DOCK8: variants seen among roughly 807,000 people sequenced by gnomAD.
The protein encoded by DOCK8 is dedicator of cytokinesis 8, also known as dedicator of cytokinesis protein 8.
A neutral mutation model predicts 245.6 loss-of-function variants in DOCK8; 141 were observed. That is an observed-to-expected ratio of 0.57 (90% confidence interval 0.50 to 0.66). The LOEUF (loss-of-function observed/expected upper bound fraction) is 0.66, where lower values mean the gene tolerates loss of function less well. Among genes scored for constraint, DOCK8 ranks in the 30% least tolerant of loss-of-function variants. DOCK8 has a pLI of 0.00. For missense variants in DOCK8, 2,965 were observed against 2,603.4 expected, an observed-to-expected ratio of 1.14 and a Z score of -3.02; for synonymous variants, 1,168 against 970.2, an observed-to-expected ratio of 1.20 and a Z score of -3.79.
At chr9:385,792 C>A (rs1019490451) in intron 22 of DOCK8, among the ~76,000 whole-genome samples, 13 of 152,228 alleles carry the variant, frequency 8.5e-5, no homozygotes, top group Admixed American at 1.3e-4. Flanking sequence ...GCAGCTATTA[C>A]TGACAGCCTT....
chr9:412,717 G>A (rs1379348348), intron 28 of DOCK8, among the ~76,000 whole-genome samples: 1 of 151,960 alleles, frequency 6.6e-6, no homozygotes, highest in African/African-American at 2.4e-5. Context: ...AGAAACACAA[G>A]AGTTATACAC....
At chr9:356,165 G>A (rs1037219999) in intron 14 of DOCK8, among the ~76,000 whole-genome samples, 36 of 152,150 alleles carry the variant, frequency 2.4e-4, no homozygotes, top group Admixed American at 6.5e-5. Flanking sequence ...CAGTGGCTGC[G>A]AGTTAGGAAA....
chr9:456,457 G>C (rs2057644226), intron 46 of DOCK8: 2 of 152,326 alleles, frequency 1.3e-5, no homozygotes, highest in South Asian at 4.1e-4. Context: ...GATAAGCCCA[G>C]ATTTCCAAGG....
chr9:450,842 C>T (rs1490468084), intron 45 of DOCK8, among the ~76,000 whole-genome samples: 3 of 151,198 alleles, frequency 2.0e-5, no homozygotes, highest in Non-Finnish European at 4.4e-5. Flanking sequence ...CTGACTCAAT[C>T]CAGCAGTTAT....
chr9:342,470 G>A (rs527428376), intron 14 of DOCK8, among the ~76,000 whole-genome samples: 158 of 13,460 alleles, frequency 0.012, 1 homozygote, highest in African/African-American at 0.017. Context: ...GGTTTTTTTC[G>A]TTTTTTTGTT....
intron 28 of DOCK8, among the ~76,000 whole-genome samples, chr9:408,670 A>T (rs888867108): frequency 6.6e-6 from 1 of 152,200 alleles, no homozygotes; most frequent in African/African-American, 2.4e-5. Flanking sequence ...ACTTTAAGTG[A>T]TTTCTAGAAA....
intron 10 of DOCK8, among the ~76,000 whole-genome samples, chr9:333,319 T>G (rs1054348207): frequency 2.0e-5 from 3 of 152,204 alleles, no homozygotes; most frequent in African/African-American, 4.8e-5. Flanking sequence ...AACATGGCCT[T>G]GGCCGGGCGT....
At chr9:459,935 C>T (rs2057752520) in intron 46 of DOCK8, 1 of 152,322 alleles carries the variant, frequency 6.6e-6, no homozygotes, top group African/African-American at 2.4e-5. Flanking sequence ...ACAGTACCAC[C>T]TCCACCACAT....
At chr9:333,349 C>T (rs1259851164) in intron 10 of DOCK8, among the ~76,000 whole-genome samples, 1 of 152,214 alleles carries the variant, frequency 6.6e-6, no homozygotes, top group Non-Finnish European at 1.5e-5. Flanking sequence ...CACCTGTAAT[C>T]CCAGCACTTT....
intron 5 of DOCK8, among the ~76,000 whole-genome samples, chr9:305,475 C>T (rs112536009): frequency 2.7e-4 from 41 of 152,118 alleles, no homozygotes; most frequent in East Asian, 2.1e-3. Context: ...TTAGTAGAGA[C>T]GGGGTTTCAC....
At chr9:333,108 C>A (rs910639046) in intron 10 of DOCK8, among the ~76,000 whole-genome samples, 8 of 152,272 alleles carry the variant, frequency 5.3e-5, no homozygotes, top group African/African-American at 1.9e-4. Context: ...CCGTGGAGAC[C>A]CCAAAACTAA....
chr9:394,217 C>T (rs923125797), intron 24 of DOCK8, among the ~76,000 whole-genome samples: 8 of 150,768 alleles, frequency 5.3e-5, no homozygotes, highest in African/African-American at 1.5e-4. Context: ...TGTGGTCCCT[C>T]GAGACCCCCT....
At chr9:236,828 A>G (rs496152) in intron 1 of DOCK8, among the ~76,000 whole-genome samples, 32,712 of 152,154 alleles carry the variant, frequency 0.21, 4,305 homozygotes, top group East Asian at 0.36. Flanking sequence ...TGTGACTTTC[A>G]GATTATGTTG....
At position 386,333 on chromosome 9, in the gene DOCK8, C is replaced by A; in HGVS notation, c.2781C>A (p.Ile927=). Residue 927 remains isoleucine (I), a splice_region_variant and synonymous_variant, in exon 23 of 48, where the codon ATC becomes ATA. Transcript: ENST00000432829. ...AAGCCATGGTTTGTGTATTTTAGATCGCCGATCGCAACTGCAGCCGAATGT... is the reference window on the plus strand; with the variant it reads ...AAGCCATGGTTTGTGTATTTTAGATAGCCGATCGCAACTGCAGCCGAATGT... ...EEVKNIMSSK[I]ADRNCSRMSY... The A allele has an allele frequency of 1.2e-6, 2 of 1,613,278 alleles. No homozygotes were observed. Among genetic ancestry groups the A allele is most frequent in the South Asian group, 2.2e-5 (2 of 90,992 alleles).
chr9:215,200 C>G (rs1458822682), intron 1 of DOCK8, 171 bp downstream of exon 1: 1 of 1,520,160 alleles, frequency 6.6e-7, no homozygotes, highest in Non-Finnish European at 8.8e-7. Flanking sequence ...AGCCGCTGGA[C>G]GCGCGGCGGC....
chr9:212,251 A>C (rs1223148330), upstream of DOCK8, among the ~76,000 whole-genome samples: 2 of 152,326 alleles, frequency 1.3e-5, no homozygotes, highest in Admixed American at 1.3e-4. Context: ...CAATGTAGAG[A>C]AAGAGGTCGG....
intron 11 of DOCK8, among the ~76,000 whole-genome samples, chr9:334,715 G>A (rs958678236): frequency 1.3e-5 from 2 of 151,848 alleles, no homozygotes; most frequent in African/African-American, 4.8e-5. Flanking sequence ...TCTGTAGTGT[G>A]TTAAGCAGAG....
chr9:370,679 C>G (rs2053247360), intron 16 of DOCK8, among the ~76,000 whole-genome samples: 1 of 152,210 alleles, frequency 6.6e-6, no homozygotes, highest in Admixed American at 6.5e-5. Context: ...CCACTTGACA[C>G]CTGCCCCACT....
In DOCK8 at chr9:400,908, A is replaced by C. The variant is rs1427002719; in HGVS notation, c.3234+1649A>C. Among the ~76,000 whole-genome samples the C allele has an allele frequency of 6.5e-3, 137 of 21,230 alleles. 1 individual carries two copies. Among genetic ancestry groups the C allele is most frequent in the Admixed American group, 6.0e-3 (12 of 1,998 alleles). The allele number at this position is 21,230 out of a possible 152,430, so 13.9% of individuals were successfully genotyped here. On this transcript the variant is annotated intron_variant, in intron 26 of 47. Transcript: ENST00000432829. ...ACCACCACCACCTCCCCCACTACCA[A>C]CAGCTCCTTCACCATCACCACAACA...
Sources: allele counts gnomAD v4.1 joint callset (sites outside exome capture counted in the v4.1 genomes callset), GRCh38; gene constraint gnomAD v4.1.1; transcripts MANE v1.5; gene names NCBI Gene and HGNC (gene_info 2026-07-23, HGNC 2026-07-21).